LRRC4C: variants seen among roughly 807,000 people sequenced by gnomAD.
LRRC4C encodes leucine rich repeat containing 4C.
In LRRC4C, 5 loss-of-function variants were observed where a neutral mutation model predicts 33.6. The observed-to-expected ratio is 0.15, with a 90% CI of 0.08 to 0.31. The LOEUF is 0.31. Ranked by LOEUF, LRRC4C falls within the 10% of genes least tolerant of loss-of-function variation. The pLI, the probability that LRRC4C is intolerant of heterozygous loss-of-function variation, is 1.00. For missense variants in LRRC4C, 560 were observed against 796.7 expected (o/e 0.70, Z 3.58); for synonymous variants, 329 against 302.0 (o/e 1.09, Z -0.93).
At chr11:40,470,992 C>T (rs1031234783) in intron 3 of LRRC4C, among the ~76,000 whole-genome samples, 1 of 152,102 alleles carries the variant, frequency 6.6e-6, no homozygotes, top group Admixed American at 6.5e-5. Context: ...CTTTCCAAAC[C>T]TAGCAAGGCA....
intron 5 of LRRC4C, among the ~76,000 whole-genome samples, chr11:40,235,373 T>C (rs1367385289): frequency 6.6e-6 from 1 of 152,246 alleles, no homozygotes; most frequent in African/African-American, 2.4e-5. Flanking sequence ...ACTTTTCTAG[T>C]TTATCTTCAA....
chr11:40,895,079 T>C (rs533711003), intron 2 of LRRC4C, among the ~76,000 whole-genome samples: 1 of 152,246 alleles, frequency 6.6e-6, no homozygotes, highest in Non-Finnish European at 1.5e-5. Context: ...GTCACTCTTG[T>C]TACCCTGAGG....
chr11:41,345,178 T>C (rs1347711003), intron 1 of LRRC4C, among the ~76,000 whole-genome samples: 2 of 152,204 alleles, frequency 1.3e-5, no homozygotes, highest in Non-Finnish European at 2.9e-5. Context: ...TACCTCTTTC[T>C]CTTTTTAACT....
chr11:41,246,548 G>C (rs764775158), intron 1 of LRRC4C, among the ~76,000 whole-genome samples: 1 of 152,152 alleles, frequency 6.6e-6, no homozygotes, highest in Non-Finnish European at 1.5e-5. Context: ...GGAAGCGGGC[G>C]GGGCTTCCAC....
intron 3 of LRRC4C, among the ~76,000 whole-genome samples, chr11:40,523,139 A>T (rs12576717): frequency 6.6e-6 from 1 of 152,116 alleles, no homozygotes; most frequent in Non-Finnish European, 1.5e-5. Flanking sequence ...ACAGTAGATA[A>T]ACTATTTTGA....
chr11:41,407,747 T>C (rs180996394), intron 1 of LRRC4C, among the ~76,000 whole-genome samples: 163 of 152,298 alleles, frequency 1.1e-3, no homozygotes, highest in African/African-American at 3.8e-3. Flanking sequence ...ATCTATAGTG[T>C]CTTGGTACGA....
At chr11:40,256,962 A>G (rs1867257752) in intron 4 of LRRC4C, among the ~76,000 whole-genome samples, 1 of 152,192 alleles carries the variant, frequency 6.6e-6, no homozygotes. Context: ...TCTGCCAATC[A>G]ACTCCTGCCA....
intron 2 of LRRC4C, among the ~76,000 whole-genome samples, chr11:40,816,544 C>T (rs1951712589): frequency 1.3e-5 from 2 of 152,122 alleles, no homozygotes; most frequent in South Asian, 4.2e-4. Context: ...CACCTTGATT[C>T]ATTTATAATG....
intron 2 of LRRC4C, among the ~76,000 whole-genome samples, chr11:40,858,554 G>A (rs1467740599): frequency 6.6e-6 from 1 of 151,710 alleles, no homozygotes; most frequent in Non-Finnish European, 1.5e-5. Context: ...CATTAGCTGG[G>A]CATGGTGTTG....
At chr11:41,442,714 C>T (rs937126102) in intron 1 of LRRC4C, among the ~76,000 whole-genome samples, 11 of 151,954 alleles carry the variant, frequency 7.2e-5, no homozygotes, top group Non-Finnish European at 1.5e-4. Flanking sequence ...CGTGATCCGC[C>T]CGCCTTTGCC....
chr11:41,398,911 G>A (rs1010097625), intron 1 of LRRC4C, among the ~76,000 whole-genome samples: 16 of 151,826 alleles, frequency 1.1e-4, no homozygotes, highest in African/African-American at 3.9e-4. Context: ...AGAATCCACT[G>A]CCACTTTGTC....
intron 3 of LRRC4C, among the ~76,000 whole-genome samples, chr11:40,325,332 T>G (rs575227692): frequency 6.6e-6 from 1 of 152,288 alleles, no homozygotes; most frequent in African/African-American, 2.4e-5. Flanking sequence ...AAGGGTCACT[T>G]ATCTAAATTA....
intron 3 of LRRC4C, among the ~76,000 whole-genome samples, chr11:40,383,171 A>G (rs923545054): frequency 6.6e-6 from 1 of 152,162 alleles, no homozygotes; most frequent in Non-Finnish European, 1.5e-5. Flanking sequence ...CTTTGGGTCC[A>G]TTCATGTTGC....
At chr11:41,363,389 G>T (rs1047590217) in intron 1 of LRRC4C, among the ~76,000 whole-genome samples, 2 of 152,188 alleles carry the variant, frequency 1.3e-5, no homozygotes. Flanking sequence ...CCCACTGTAA[G>T]ATGTCTTAAA....
In LRRC4C at chr11:41,120,682, A is replaced by C. The variant is rs570589262; in HGVS notation, c.-495-186959T>G. Among the ~76,000 whole-genome samples the C allele has an allele frequency of 4.6e-5, 7 of 152,202 alleles. No individual in the cohort carries two copies. The South Asian group carries it at 1.5e-3, about 32-fold the overall frequency. On this transcript the variant is annotated intron_variant, in intron 1 of 6. Coordinates refer to ENST00000528697, the MANE Select transcript of LRRC4C (RefSeq NM_001258419.2). ...CCACTCATTGCCTTTCCCCTTTCAG[A>C]TCTAAGGATAATAAAGTCTTCCTTC...
intron 2 of LRRC4C, among the ~76,000 whole-genome samples, chr11:40,825,292 T>A (rs1395903179): frequency 6.6e-6 from 1 of 151,986 alleles, no homozygotes; most frequent in African/African-American, 2.4e-5. Context: ...GAGATCTAAA[T>A]GATGAATACG....
chr11:40,234,285 G>C (rs1314409781), intron 5 of LRRC4C, among the ~76,000 whole-genome samples: 2 of 152,152 alleles, frequency 1.3e-5, no homozygotes, highest in African/African-American at 4.8e-5. Context: ...GTCTTGTAAG[G>C]TACGTATTAT....
chr11:40,523,732 T>C (rs57638627), intron 3 of LRRC4C, among the ~76,000 whole-genome samples: 10,855 of 152,126 alleles, frequency 0.071, 1,045 homozygotes, highest in African/African-American at 0.22. Context: ...CTCTTCTTTC[T>C]TGTCTTTCAA....
At chr11:40,539,471 A>G (rs1234249930) in intron 3 of LRRC4C, among the ~76,000 whole-genome samples, 4 of 152,164 alleles carry the variant, frequency 2.6e-5, no homozygotes, top group Non-Finnish European at 5.9e-5. Context: ...AATGTTTGTT[A>G]AATAAGTTTG....
Sources: gnomAD v4.1 joint callset for allele counts (sites outside exome capture counted in the v4.1 genomes callset) on GRCh38, gnomAD v4.1.1 for gene constraint, MANE v1.5 for transcripts, NCBI Gene and HGNC (gene_info 2026-07-23, HGNC 2026-07-21) for gene names.